The following ZFPM1 variants were observed in gnomAD, a reference collection of about 807,000 sequenced individuals.
The protein encoded by ZFPM1 is zinc finger protein, FOG family member 1, also known as zinc finger protein ZFPM1.
In ZFPM1, 28 loss-of-function variants were observed where a neutral mutation model predicts 46.3. The ratio of observed to expected loss-of-function variants is 0.60; its 90% CI spans 0.45 to 0.83. The LOEUF is 0.83. ZFPM1 is among the 40% of genes least tolerant of loss of function. The probability of loss-of-function intolerance (pLI) is 0.00; values close to 1 mark genes in which losing one functional copy is unlikely to be tolerated. For synonymous variants in ZFPM1, 957 were observed against 675.9 expected, an observed-to-expected ratio of 1.42 and a Z score of -6.45; for missense variants, 1,878 against 1,432.4, an observed-to-expected ratio of 1.31 and a Z score of -5.02.
chr16:88,523,699 A>T (rs1912078458), intron 4 of ZFPM1, among the ~76,000 whole-genome samples: 1 of 152,248 alleles, frequency 6.6e-6, no homozygotes, highest in East Asian at 1.9e-4. Context: ...CAGAAGTAGG[A>T]GCGGCAGGCC....
At chr16:88,509,008 CT>C (rs143880958) in intron 3 of ZFPM1, among the ~76,000 whole-genome samples, 3,883 of 152,288 alleles carry the variant, frequency 0.025, 78 homozygotes, top group South Asian at 0.072. Context: ...CAGCTGACCC[CT>C]GGCCACCCCG....
In ZFPM1 at chr16:88,497,835, G is replaced by A. The variant is rs1205973367; in HGVS notation, c.268+8682G>A. Among the ~76,000 whole-genome samples, 1 of 152,176 alleles carries A rather than the reference G, an allele frequency of 6.6e-6. No individual in the cohort carries two copies. The highest frequency in any genetic ancestry group is 1.5e-5 in the Non-Finnish European group (1 of 68,024). ...TGTGAGGGCGTCGGGCTGGTTATCT[G>A]GGCCGAGCTCCATCTGACTAATCTC... On this transcript the variant is annotated intron_variant, in intron 3 of 9. Coordinates refer to ENST00000319555, the MANE Select transcript of ZFPM1 (RefSeq NM_153813.3). This position sits in a 1 kb window ranked among gnomAD's most constrained non-coding sequence, Gnocchi z 5.4.
chr16:88,527,589 A>C (rs1035459333), intron 5 of ZFPM1, among the ~76,000 whole-genome samples: 2 of 151,894 alleles, frequency 1.3e-5, no homozygotes, highest in Admixed American at 6.6e-5. Flanking sequence ...CAGGTGAACA[A>C]GCCGGCCCCG....
At position 88,497,144 on chromosome 16, in the gene ZFPM1, C is replaced by T. The variant is rs1909975036; in HGVS notation, c.268+7991C>T. ...TTTTCCATCCCCACTCCATCCTGGG[C>T]TCTGATGGCAGAGATGGGAAGGCTG... On this transcript the variant is annotated intron_variant, in intron 3 of 9. Coordinates refer to ENST00000319555, the MANE Select transcript of ZFPM1 (RefSeq NM_153813.3). This position sits in a 1 kb window ranked among gnomAD's most constrained non-coding sequence, Gnocchi z 5.4. Among the ~76,000 whole-genome samples, 1 of 152,234 alleles carries T rather than the reference C, an allele frequency of 6.6e-6. No homozygotes were observed. Among genetic ancestry groups the T allele is most frequent in the Non-Finnish European group, 1.5e-5 (1 of 68,050 alleles).
chr16:88,501,126 G>GGTGCGTGGGCCCTCCCGC (rs1567540949), intron 3 of ZFPM1, among the ~76,000 whole-genome samples: 10 of 145,580 alleles, frequency 6.9e-5, no homozygotes, highest in South Asian at 2.1e-4. Context: ...AGCAGACATG[G>GGTGCGTGGGCCCTCCCGC]ATGCGGGGGC....
intron 3 of ZFPM1, among the ~76,000 whole-genome samples, chr16:88,504,736 C>G (rs1461703805): frequency 6.6e-6 from 1 of 152,184 alleles, no homozygotes; most frequent in African/African-American, 2.4e-5. Flanking sequence ...ACCACAGTCC[C>G]CAGAGAGCAC....
chr16:88,473,725 T>C (rs1908534923), intron 1 of ZFPM1, among the ~76,000 whole-genome samples: 1 of 152,160 alleles, frequency 6.6e-6, no homozygotes, highest in Non-Finnish European at 1.5e-5. Context: ...GGGGCCGTGC[T>C]GGGACCTCTC....
intron 1 of ZFPM1, among the ~76,000 whole-genome samples, chr16:88,465,908 G>T (rs950275003): frequency 1.3e-5 from 2 of 152,194 alleles, no homozygotes; most frequent in Non-Finnish European, 2.9e-5. Flanking sequence ...AGCCATAGGG[G>T]TGGAGGAGGG....
intron 6 of ZFPM1, among the ~76,000 whole-genome samples, chr16:88,529,711 G>A (rs1436077760): frequency 6.6e-6 from 1 of 152,202 alleles, no homozygotes; most frequent in Non-Finnish European, 1.5e-5. Flanking sequence ...CATCCAGGCT[G>A]TGGCGAGACC....
At chr16:88,523,886 C>T (rs549722596) in intron 4 of ZFPM1, among the ~76,000 whole-genome samples, 1 of 152,310 alleles carries the variant, frequency 6.6e-6, no homozygotes, top group African/African-American at 2.4e-5. Context: ...CCCCGTCGCG[C>T]CCCACATACG....
intron 3 of ZFPM1, among the ~76,000 whole-genome samples, chr16:88,495,614 C>A (rs779805373): frequency 6.6e-6 from 1 of 152,206 alleles, no homozygotes; most frequent in African/African-American, 2.4e-5. Flanking sequence ...TGAGACCTGA[C>A]GCTAAGGGCA....
rs561036513 is a variant in ZFPM1 at position 88,472,405 on chromosome 16, G to A, written c.41-13534G>A. On this transcript the variant is annotated intron_variant, in intron 1 of 9. Coordinates refer to ENST00000319555, the MANE Select transcript of ZFPM1 (RefSeq NM_153813.3). ...AGTCTCGCTGTGTCGCCAGGCTGGA[G>A]TACAGTGGTGTGATCTGGGCCCACT... Among the ~76,000 whole-genome samples, 10 of 149,646 alleles carry A rather than the reference G, an allele frequency of 6.7e-5. No individual in the cohort carries two copies. In the South Asian group the frequency reaches 1.7e-3, roughly 26 times the overall value.
intron 1 of ZFPM1, among the ~76,000 whole-genome samples, chr16:88,483,834 G>A (rs1909073759): frequency 2.6e-5 from 4 of 152,220 alleles, no homozygotes; most frequent in Admixed American, 2.6e-4. Context: ...GATCAGAGAG[G>A]GGGCTGGAGT....
Position 88,493,584 on chromosome 16 carries a change from G to A in ZFPM1, c.268+4431G>A, listed in dbSNP as rs1261107555. ...GGGGAGAGCTGTCCCGGGGTGTGGT[G>A]AGCTGTCCCGGGGTAGGGAGAGCTG... On this transcript the variant is annotated intron_variant, in intron 3 of 9. Coordinates refer to ENST00000319555, the MANE Select transcript of ZFPM1 (RefSeq NM_153813.3). Among the ~76,000 whole-genome samples, 8 of 146,088 alleles carry A rather than the reference G, an allele frequency of 5.5e-5. No individual in the cohort carries two copies. The East Asian group carries it at 1.7e-3, about 30-fold the overall frequency.
At position 88,534,294 on chromosome 16, in the gene ZFPM1, C is replaced by A. The variant is rs1340953682; in HGVS notation, c.2336C>A (p.Pro779His). 1.6e-6 allele frequency: 2 copies of A among 1,221,146 alleles called. No individual in the cohort carries two copies. Among genetic ancestry groups the A allele is most frequent in the Admixed American group, 4.3e-5 (1 of 23,434 alleles). 75.6% of individuals were successfully genotyped at this position (1,221,146 alleles called of 1,614,324 possible). A position where few individuals can be genotyped will look rare whatever the true frequency, so the allele number is the denominator to read the frequency against. ...PRPGSGSGSG[P>H]GLAPARSPGP... Reference sequence around the variant, plus strand: ...CCCGGAAGCGGAAGCGGAAGCGGCCCCGGCCTCGCCCCTGCGCGCTCGCCC... The same window carrying A: ...CCCGGAAGCGGAAGCGGAAGCGGCCACGGCCTCGCCCCTGCGCGCTCGCCC... Residue 779 changes from proline (P) to histidine (H), a missense_variant, in exon 10 of 10, where the codon CCC becomes CAC. Coordinates refer to ENST00000319555, the MANE Select transcript of ZFPM1 (RefSeq NM_153813.3).
chr16:88,462,647 G>C (rs1040171820), intron 1 of ZFPM1, among the ~76,000 whole-genome samples: 11 of 152,236 alleles, frequency 7.2e-5, no homozygotes, highest in Non-Finnish European at 1.5e-4. Context: ...GAGCTTCCCT[G>C]TGGGCCGCCA....
rs1380264749 is a variant in ZFPM1, at chr16:88,501,638, CG to C, written c.268+12486del. ...ATGATGGAGATAGTGGGCCTGGGTGCGTGGGCCATCGCGCAGGTGCTGGTGA... is the reference window on the plus strand; with the variant it reads ...ATGATGGAGATAGTGGGCCTGGGTGCTGGGCCATCGCGCAGGTGCTGGTGA... On this transcript the variant is annotated intron_variant, in intron 3 of 9. Coordinates refer to ENST00000319555, the MANE Select transcript of ZFPM1 (RefSeq NM_153813.3). 4.9e-3 allele frequency among the ~76,000 whole-genome samples: 567 copies of C among 115,342 alleles called. 59 individuals carry two copies. The highest frequency in any genetic ancestry group is 0.011 in the South Asian group (34 of 3,202). The allele number at this position is 115,342 out of a possible 152,430, so 75.7% of individuals were successfully genotyped here. A position where few individuals can be genotyped will look rare whatever the true frequency, so the allele number is the denominator to read the frequency against.
intron 1 of ZFPM1, among the ~76,000 whole-genome samples, chr16:88,470,067 C>G (rs1246992281): frequency 6.6e-6 from 1 of 152,088 alleles, no homozygotes; most frequent in Non-Finnish European, 1.5e-5. Context: ...GGCTGTGTCC[C>G]CAGAGGCAAA....
chr16:88,487,645 C>T (rs1909308164), intron 2 of ZFPM1, among the ~76,000 whole-genome samples: 1 of 152,140 alleles, frequency 6.6e-6, no homozygotes, highest in Non-Finnish European at 1.5e-5. Context: ...GACCCCCACC[C>T]CAGCATTTCC....
Sources: gnomAD v4.1 joint callset for allele counts (sites outside exome capture counted in the v4.1 genomes callset) on GRCh38, gnomAD v4.1.1 for gene constraint, Gnocchi (gnomAD v3.1) non-coding constraint, MANE v1.5 for transcripts, NCBI Gene and HGNC (gene_info 2026-07-23, HGNC 2026-07-21) for gene names.